The following TMEM163 variants were observed in gnomAD, a reference collection of about 807,000 sequenced individuals.
The protein encoded by TMEM163 is transmembrane protein 163.
A neutral mutation model predicts 29.3 loss-of-function variants in TMEM163; 17 were observed. The observed-to-expected ratio is 0.58, with a 90% CI of 0.40 to 0.87. The LOEUF (loss-of-function observed/expected upper bound fraction) is 0.87. TMEM163 is among the 40% of genes least tolerant of loss of function. The pLI is 0.00. For synonymous variants in TMEM163, 157 were observed against 160.6 expected (o/e 0.98, Z 0.17); for missense variants, 303 against 381.5 (o/e 0.79, Z 1.71).
At chr2:134,481,002 C>G (rs1189588412) in intron 5 of TMEM163, among the ~76,000 whole-genome samples, 1 of 152,198 alleles carries the variant, frequency 6.6e-6, no homozygotes, top group Admixed American at 6.5e-5. Flanking sequence ...CTTTCTCAGA[C>G]CCCTGCAACC....
At chr2:134,540,376 C>T (rs1207036599) in intron 4 of TMEM163, among the ~76,000 whole-genome samples, 1 of 152,378 alleles carries the variant, frequency 6.6e-6, no homozygotes, top group Middle Eastern at 3.4e-3. Context: ...GTCTGGCCAA[C>T]AGCCAGCCAT....
intron 2 of TMEM163, among the ~76,000 whole-genome samples, chr2:134,566,601 A>G (rs1043173471): frequency 1.3e-5 from 2 of 152,122 alleles, no homozygotes; most frequent in Non-Finnish European, 2.9e-5. Flanking sequence ...AGTGCTGGTG[A>G]GGGCATGAGG....
At chr2:134,643,180 A>T (rs183565950) in intron 2 of TMEM163, among the ~76,000 whole-genome samples, 2 of 152,278 alleles carry the variant, frequency 1.3e-5, no homozygotes, top group Non-Finnish European at 1.5e-5. Flanking sequence ...CCCCACAGAC[A>T]TTAAAAGAAT....
Position 134,519,983 on chromosome 2 carries a change from G to C in TMEM163, c.459-16986C>G, listed in dbSNP as rs188019785. On this transcript the variant is annotated intron_variant, in intron 4 of 7. Transcript: ENST00000281924. Reference sequence around the variant, plus strand: ...AGGGAGGCAAATGTGAATGATTATGGGCCAGATGTAAGAAGAGACAAAGAC... The same window carrying C: ...AGGGAGGCAAATGTGAATGATTATGCGCCAGATGTAAGAAGAGACAAAGAC... Among the ~76,000 whole-genome samples, 25 of 152,018 alleles carry C rather than the reference G, an allele frequency of 1.6e-4. No homozygotes were observed. The East Asian group carries it at 4.5e-3, about 27-fold the overall frequency.
intron 2 of TMEM163, among the ~76,000 whole-genome samples, chr2:134,559,104 A>C (rs1681111084): frequency 6.6e-6 from 1 of 152,134 alleles, no homozygotes; most frequent in Non-Finnish European, 1.5e-5. Context: ...CTCTCAAAAC[A>C]CTGAAATCTG....
intron 2 of TMEM163, among the ~76,000 whole-genome samples, chr2:134,707,769 T>A (rs1032532518): frequency 1.3e-5 from 2 of 150,796 alleles, no homozygotes; most frequent in Non-Finnish European, 3.0e-5. Context: ...GGGAGGGGAG[T>A]TGTCAATGAG....
At chr2:134,591,769 C>T (rs748406606) in intron 2 of TMEM163, among the ~76,000 whole-genome samples, 2 of 152,130 alleles carry the variant, frequency 1.3e-5, no homozygotes, top group Non-Finnish European at 2.9e-5. Context: ...TCCAACCACC[C>T]GTCAAATGCC....
intron 2 of TMEM163, among the ~76,000 whole-genome samples, chr2:134,628,313 T>A (rs1383976027): frequency 1.4e-4 from 21 of 152,252 alleles, no homozygotes; most frequent in Admixed American, 1.4e-3. Flanking sequence ...CAGACCCGGA[T>A]TGCTCAAACC....
intron 4 of TMEM163, among the ~76,000 whole-genome samples, chr2:134,505,177 C>G (rs1348521450): frequency 6.6e-6 from 1 of 150,504 alleles, no homozygotes; most frequent in Non-Finnish European, 1.5e-5. Context: ...TTTCAGGTAA[C>G]TTCAGTCATC....
intron 2 of TMEM163, among the ~76,000 whole-genome samples, chr2:134,644,092 C>G (rs1683279816): frequency 6.6e-6 from 1 of 151,964 alleles, no homozygotes; most frequent in African/African-American, 2.4e-5. Flanking sequence ...AACTTCAAAA[C>G]ACTGATGAAA....
intron 2 of TMEM163, among the ~76,000 whole-genome samples, chr2:134,655,296 T>C (rs1683573206): frequency 7.5e-6 from 1 of 132,668 alleles, no homozygotes; most frequent in South Asian, 2.5e-4. Flanking sequence ...ATTTCATTCA[T>C]TTCATCTTCC....
rs1453219911 is a variant in TMEM163 at position 134,653,700 on chromosome 2, C to G, written c.322+59500G>C. Among the ~76,000 whole-genome samples, 5 of 84,124 alleles carry G rather than the reference C, an allele frequency of 5.9e-5. 1 individual carries two copies. The South Asian group carries it at 1.0e-3, about 17-fold the overall frequency. 55.2% of individuals were successfully genotyped at this position (84,124 alleles called of 152,430 possible). The stretch of plus-strand genomic sequence containing the variant: ...TGGGCATTTAGTGCTATAAATTTCC[C>G]TCTACACACTGCTTTGAATGCGTCC... On this transcript the variant is annotated intron_variant, in intron 2 of 7. Coordinates refer to ENST00000281924, the MANE Select transcript of TMEM163 (RefSeq NM_030923.5).
At chr2:134,487,924 T>A in intron 5 of TMEM163, among the ~76,000 whole-genome samples, 1 of 152,106 alleles carries the variant, frequency 6.6e-6, no homozygotes, top group East Asian at 1.9e-4. Flanking sequence ...GGTATATATC[T>A]TCATGGCATC....
intron 2 of TMEM163, among the ~76,000 whole-genome samples, chr2:134,648,621 A>G (rs912258769): frequency 1.3e-5 from 2 of 152,192 alleles, no homozygotes; most frequent in African/African-American, 4.8e-5. Flanking sequence ...GGCAACAACG[A>G]AAGATTGTTG....
chr2:134,474,945 A>C (rs1055514690), intron 5 of TMEM163, among the ~76,000 whole-genome samples: 5 of 152,174 alleles, frequency 3.3e-5, no homozygotes, highest in African/African-American at 1.2e-4. Flanking sequence ...ACCCTAAGCC[A>C]AATCCCAGCA....
chr2:134,579,638 G>T (rs763153614), intron 2 of TMEM163, among the ~76,000 whole-genome samples: 1 of 152,010 alleles, frequency 6.6e-6, no homozygotes, highest in Non-Finnish European at 1.5e-5. Flanking sequence ...CTCTCCTAGG[G>T]GTAGGAAACT....
At chr2:134,643,321 A>C (rs2104841513) in intron 2 of TMEM163, among the ~76,000 whole-genome samples, 1 of 152,300 alleles carries the variant, frequency 6.6e-6, no homozygotes, top group Non-Finnish European at 1.5e-5. Flanking sequence ...TAACTGTTAT[A>C]GAAATATAAT....
intron 2 of TMEM163, among the ~76,000 whole-genome samples, chr2:134,620,742 T>A (rs1464069655): frequency 6.6e-6 from 1 of 152,192 alleles, no homozygotes; most frequent in East Asian, 1.9e-4. Flanking sequence ...CTTTTCAATA[T>A]ATGGTGCTGG....
At chr2:134,706,079 T>C (rs1324096497) in intron 2 of TMEM163, among the ~76,000 whole-genome samples, 1 of 152,134 alleles carries the variant, frequency 6.6e-6, no homozygotes, top group Non-Finnish European at 1.5e-5. Context: ...CCTCCCCCAC[T>C]CCTGGCTGGA....
Sources: allele counts gnomAD v4.1 joint callset (sites outside exome capture counted in the v4.1 genomes callset), GRCh38; gene constraint gnomAD v4.1.1; transcripts MANE v1.5; gene names NCBI Gene and HGNC (gene_info 2026-07-23, HGNC 2026-07-21).